Variants in LAMA1 observed in about 807,000 individuals in gnomAD.
The protein encoded by LAMA1 is laminin subunit alpha 1, also known as laminin subunit alpha-1.
LAMA1 carries 219 observed loss-of-function variants against 348.7 expected under a neutral mutation model. The ratio of observed to expected loss-of-function variants is 0.63; its 90% CI spans 0.56 to 0.70. The LOEUF is 0.70. Among genes scored for constraint, LAMA1 ranks in the 30% least tolerant of loss-of-function variants. The pLI is 0.00. For synonymous variants in LAMA1, 1,487 were observed against 1,491.0 expected, an observed-to-expected ratio of 1.00 and a Z score of 0.06; for missense variants, 3,744 against 3,888.0, an observed-to-expected ratio of 0.96 and a Z score of 0.99.
intron 42 of LAMA1, among the ~76,000 whole-genome samples, chr18:6,979,238 C>T (rs2057697187): frequency 6.6e-6 from 1 of 152,098 alleles, no homozygotes; most frequent in Non-Finnish European, 1.5e-5. Context: ...TCCATTGTTT[C>T]AAAGTAAGAA....
At chr18:7,018,955 C>A (rs1411662958) in intron 19 of LAMA1, among the ~76,000 whole-genome samples, 1 of 152,072 alleles carries the variant, frequency 6.6e-6, no homozygotes, top group African/African-American at 2.4e-5. Flanking sequence ...ATGCTGCAGT[C>A]CCACGAGAGG....
intron 19 of LAMA1, among the ~76,000 whole-genome samples, chr18:7,019,901 C>T (rs893046234): frequency 3.3e-5 from 5 of 151,918 alleles, no homozygotes; most frequent in Non-Finnish European, 5.9e-5. Context: ...AGGCTGGTCT[C>T]GAACTCCTGA....
At chr18:6,951,449 C>A (rs1161776746) in intron 57 of LAMA1, among the ~76,000 whole-genome samples, 1 of 152,198 alleles carries the variant, frequency 6.6e-6, no homozygotes, top group East Asian at 1.9e-4. Context: ...AGGAAGGCTG[C>A]GCCTGGGTAG....
chr18:6,997,940 A>G (rs2057790489), intron 32 of LAMA1, 56 bp from the exon 33 acceptor site: 2 of 1,542,466 alleles, frequency 1.3e-6, no homozygotes, highest in South Asian at 1.1e-5. Flanking sequence ...TGGTCTGCCC[A>G]TTTTTTCATG....
chr18:7,111,785 G>GT (rs1337568635), intron 1 of LAMA1, among the ~76,000 whole-genome samples: 2 of 152,214 alleles, frequency 1.3e-5, no homozygotes, highest in African/African-American at 4.8e-5. Context: ...GGAGATGATA[G>GT]TTTATCTAGT....
In LAMA1 at chr18:6,943,179, C is replaced by T. The variant is rs771338762; in HGVS notation, c.9067+1G>A. On this transcript the variant is annotated splice_donor_variant, in intron 62 of 62. Coordinates refer to ENST00000389658, the MANE Select transcript of LAMA1 (RefSeq NM_005559.4). LOFTEE classifies it high-confidence loss of function. ...GTGGAAGAGCAGGTACCCGTACATA[C>T]CAGGATAGCCACCAACATAAATGGG... 1 of 1,613,874 alleles carries T rather than the reference C, an allele frequency of 6.2e-7. No individual in the cohort carries two copies. Among genetic ancestry groups the T allele is most frequent in the Admixed American group, 1.7e-5 (1 of 60,028 alleles).
chr18:6,997,606 C>T, intron 33 of LAMA1, 136 bp downstream of exon 33: 1 of 875,676 alleles, frequency 1.1e-6, no homozygotes. Context: ...AAAGACTGGA[C>T]ACCTGCCCGC....
chr18:7,081,176 A>C (rs2143784628), intron 1 of LAMA1, among the ~76,000 whole-genome samples: 1 of 152,234 alleles, frequency 6.6e-6, no homozygotes. Flanking sequence ...ACAAAAAAAA[A>C]CCAAGGCGAG....
intron 3 of LAMA1, among the ~76,000 whole-genome samples, chr18:7,073,902 T>A (rs1291704041): frequency 1.9e-5 from 2 of 103,712 alleles, no homozygotes; most frequent in Non-Finnish European, 4.2e-5. Flanking sequence ...TGGCGTGATC[T>A]CAGCTCACTG....
chr18:7,095,167 T>C (rs1273643339), intron 1 of LAMA1, among the ~76,000 whole-genome samples: 1 of 141,258 alleles, frequency 7.1e-6, no homozygotes, highest in African/African-American at 2.7e-5. Context: ...TCCTCTGCTG[T>C]CATTAAAAAA....
rs534195849 is a variant in LAMA1, at chr18:7,007,058, C to T, written c.4260+81G>A. On this transcript the variant is annotated intron_variant, in intron 29 of 62. Transcript: ENST00000389658. ...AACCTCTCACTAAACCAAGGCACGGCTATGACTTAGACCGGAAATCTGACA... is the reference window on the plus strand; with the variant it reads ...AACCTCTCACTAAACCAAGGCACGGTTATGACTTAGACCGGAAATCTGACA... The T allele has an allele frequency of 1.1e-5, 18 of 1,574,378 alleles. No homozygotes were observed. The East Asian group carries it at 2.5e-4, about 22-fold the overall frequency.
intron 42 of LAMA1, 131 bp downstream of exon 42, chr18:6,980,390 A>G: frequency 1.5e-6 from 1 of 677,618 alleles, no homozygotes; most frequent in Admixed American, 2.4e-5. Flanking sequence ...GCAAGTAAAA[A>G]TTTTGCCAAT....
At chr18:6,980,060 G>C (rs2057703904) in intron 42 of LAMA1, among the ~76,000 whole-genome samples, 1 of 152,136 alleles carries the variant, frequency 6.6e-6, no homozygotes, top group African/African-American at 2.4e-5. Context: ...TAAACCATCA[G>C]TATTAAAGTG....
chr18:7,051,228 T>C (rs909875078), intron 3 of LAMA1, among the ~76,000 whole-genome samples: 3 of 152,188 alleles, frequency 2.0e-5, no homozygotes, highest in Non-Finnish European at 2.9e-5. Context: ...ATCTTAAGTA[T>C]GCTCATCATA....
intron 61 of LAMA1, among the ~76,000 whole-genome samples, chr18:6,944,012 A>T (rs1386818354): frequency 6.6e-6 from 1 of 152,040 alleles, no homozygotes; most frequent in Non-Finnish European, 1.5e-5. Flanking sequence ...GGTGCTGGTC[A>T]TACTTTCATT....
intron 3 of LAMA1, chr18:7,076,987 T>C (rs560805550): frequency 9.6e-4 from 145 of 150,818 alleles, no homozygotes; most frequent in African/African-American, 3.5e-3. Context: ...AATAAATAAA[T>C]AAATCTGAGA....
intron 3 of LAMA1, among the ~76,000 whole-genome samples, chr18:7,054,651 C>G (rs2058074474): frequency 6.6e-6 from 1 of 151,446 alleles, no homozygotes; most frequent in South Asian, 2.1e-4. Context: ...TACAGTTGAC[C>G]CTTGAACAAC....
Position 7,040,326 on chromosome 18 carries a change from G to A in LAMA1, c.1262-90C>T. Reference sequence around the variant, plus strand: ...AAATGTTTTCTGTAAAGGGTCAGAGGGTATCTATTTTAGGCTTTTTGGCCT... The same window carrying A: ...AAATGTTTTCTGTAAAGGGTCAGAGAGTATCTATTTTAGGCTTTTTGGCCT... On this transcript the variant is annotated intron_variant, in intron 9 of 62. Transcript: ENST00000389658. 17 of 1,379,736 alleles carry A rather than the reference G, an allele frequency of 1.2e-5. No homozygotes were observed. The South Asian group carries it at 1.7e-4, about 14-fold the overall frequency. The allele number at this position is 1,379,736 out of a possible 1,614,324, so 85.5% of individuals were successfully genotyped here.
At position 7,049,234 on chromosome 18, in the gene LAMA1, G is replaced by A. The variant is rs755100521; in HGVS notation, c.612C>T (p.Gly204=). The change falls in exon 5 of 63, where the codon GGC becomes GGT. Residue 204 remains glycine, a synonymous_variant. Transcript: ENST00000389658. The part of the protein sequence containing the change: ...HGEIHTSLIN[G]RPSADDLSPK... ...GTGAAAGATCGTCAGCGCTTGGTCT[G>A]CCATTGATGAGTGATGTATGAATCT... is the stretch of plus-strand genomic sequence containing the variant. 1.2e-6 allele frequency: 2 copies of A among 1,613,978 alleles called. No homozygotes were observed. Among genetic ancestry groups the A allele is most frequent in the South Asian group, 1.1e-5 (1 of 91,050 alleles).
Sources: gnomAD v4.1 joint callset for allele counts (sites outside exome capture counted in the v4.1 genomes callset) on GRCh38, gnomAD v4.1.1 for gene constraint, MANE v1.5 for transcripts, NCBI Gene and HGNC (gene_info 2026-07-23, HGNC 2026-07-21) for gene names.